The following BLTP1 variants were observed in gnomAD, a reference collection of about 807,000 sequenced individuals.
BLTP1 encodes the protein fragile site-associated protein.
At chr4:122,189,668 C>T in the BLTP1 span, 5 of 923,248 alleles carry the variant, frequency 5.4e-6, no homozygotes, top group African/African-American at 1.8e-5. Flanking sequence ...TGTTTTAAAT[C>T]GATTTCTCTC....
the BLTP1 span, among the ~76,000 whole-genome samples, chr4:122,198,828 A>C: frequency 6.6e-6 from 1 of 152,176 alleles, no homozygotes; most frequent in African/African-American, 2.4e-5. Flanking sequence ...TGCAGGATGC[A>C]TGTGGAACTA....
chr4:122,257,758 A>C, the BLTP1 span, among the ~76,000 whole-genome samples: 1 of 152,166 alleles, frequency 6.6e-6, no homozygotes, highest in South Asian at 2.1e-4. Flanking sequence ...CCAAATTGGA[A>C]AATGGTCATG....
the BLTP1 span, chr4:122,272,457 A>C: frequency 7.0e-7 from 1 of 1,422,854 alleles, no homozygotes; most frequent in Non-Finnish European, 9.6e-7. Flanking sequence ...AATTAGTGCT[A>C]CTTCTCTGAA....
chr4:122,298,620 A>G, the BLTP1 span: 1 of 271,726 alleles, frequency 3.7e-6, no homozygotes, highest in Non-Finnish European at 4.4e-6. Context: ...TTACAAAGAT[A>G]TGTGGGTAAA....
chr4:122,256,089 T>C, the BLTP1 span: 2 of 983,050 alleles, frequency 2.0e-6, no homozygotes, highest in African/African-American at 3.5e-5. Context: ...GATTAGAGTT[T>C]TAGAACTTTT....
chr4:122,249,582 T>G, the BLTP1 span: 3 of 1,613,794 alleles, frequency 1.9e-6, no homozygotes, highest in South Asian at 3.3e-5. Flanking sequence ...TGGATGAAAC[T>G]GATCAGCAAG....
chr4:122,197,867 A>T, the BLTP1 span: 1 of 621,544 alleles, frequency 1.6e-6, no homozygotes, highest in Non-Finnish European at 2.0e-6. Context: ...ACATGAATAA[A>T]TACTTTTTGT....
chr4:122,259,577 T>C, the BLTP1 span, among the ~76,000 whole-genome samples: 1 of 152,210 alleles, frequency 6.6e-6, no homozygotes, highest in Non-Finnish European at 1.5e-5. Flanking sequence ...ATTTTAACTT[T>C]CTGGCCAGGC....
At chr4:122,277,201 C>A in the BLTP1 span, 1 of 457,564 alleles carries the variant, frequency 2.2e-6, no homozygotes, top group Non-Finnish European at 2.9e-6. Context: ...GTTAGCTGGG[C>A]ATGGTGGCAC....
At chr4:122,290,782 G>A in the BLTP1 span, 6 of 65,272 alleles carry the variant, frequency 9.2e-5, no homozygotes, top group East Asian at 2.1e-3. Flanking sequence ...GCAAGATTCC[G>A]TCTCAAAAAA....
At chr4:122,305,706 A>T in the BLTP1 span, 9 of 927,730 alleles carry the variant, frequency 9.7e-6, no homozygotes, top group East Asian at 7.0e-4. Flanking sequence ...GCTATTTTGT[A>T]TATTAATTTC....
At chr4:122,232,027 T>G in the BLTP1 span, 1 of 976,060 alleles carries the variant, frequency 1.0e-6, no homozygotes, top group Admixed American at 6.2e-5. Flanking sequence ...CAAATGCCTG[T>G]CTTTGATTAG....
At chr4:122,185,193 G>A in the BLTP1 span, 7,970 of 982,544 alleles carry the variant, frequency 8.1e-3, 499 homozygotes, top group African/African-American at 0.13. Context: ...ACCAAGTGAT[G>A]ATAAAATCAG....
At chr4:122,292,963 A>C in the BLTP1 span, 1 of 622,466 alleles carries the variant, frequency 1.6e-6, no homozygotes, top group Non-Finnish European at 2.0e-6. Context: ...TAATCCAAAA[A>C]AAAAAATCTG....
the BLTP1 span, chr4:122,324,460 T>A: frequency 4.3e-6 from 7 of 1,610,592 alleles, no homozygotes; most frequent in Non-Finnish European, 5.9e-6. Flanking sequence ...GGGTTTGAGT[T>A]ACAAACCAAG....
chr4:122,267,640 C>T, the BLTP1 span: 1 of 977,112 alleles, frequency 1.0e-6, no homozygotes, highest in African/African-American at 1.8e-5. Flanking sequence ...GGGCAGAAGT[C>T]ATATTGAGAG....
the BLTP1 span, chr4:122,309,345 CAG>C: frequency 6.2e-7 from 1 of 1,613,562 alleles, no homozygotes; most frequent in Non-Finnish European, 8.5e-7. Flanking sequence ...GCATGCTCTT[CAG>C]AGTCTCTGGT....
the BLTP1 span, chr4:122,169,524 C>T: frequency 5.2e-6 from 3 of 572,658 alleles, no homozygotes; most frequent in African/African-American, 2.1e-5. Flanking sequence ...GTTTTGTTAT[C>T]GGTAGGTTGG....
the BLTP1 span, chr4:122,243,106 G>A: frequency 1.3e-6 from 2 of 1,582,214 alleles, no homozygotes; most frequent in Non-Finnish European, 1.7e-6. Context: ...TGTCTTCCTT[G>A]ATTATGAGAT....
Sources: allele counts gnomAD v4.1 joint callset (sites outside exome capture counted in the v4.1 genomes callset), GRCh38; gene constraint gnomAD v4.1.1; transcripts MANE v1.5; gene names NCBI Gene and HGNC (gene_info 2026-07-23, HGNC 2026-07-21).